The following XYLT1 variants were observed in gnomAD, a reference collection of about 807,000 sequenced individuals.
XYLT1 encodes the protein beta-D-xylosyltransferase 1.
XYLT1 carries 36 observed loss-of-function variants against 91.3 expected under a neutral mutation model. The ratio of observed to expected loss-of-function variants is 0.39; its 90% CI spans 0.30 to 0.52. The LOEUF is 0.52. Among genes scored for constraint, XYLT1 ranks in the 20% least tolerant of loss-of-function variants. The pLI is 0.68. For missense variants in XYLT1, 1,242 were observed against 1,284.5 expected (o/e 0.97, Z 0.51); for synonymous variants, 588 against 532.0 (o/e 1.11, Z -1.45).
rs2035970833 is a variant in XYLT1 at position 17,401,702 on chromosome 16, A to G, written c.364-43652T>C. Among the ~76,000 whole-genome samples the G allele has an allele frequency of 2.6e-5, 4 of 151,300 alleles. No homozygotes were observed. The South Asian group carries it at 8.4e-4, about 32-fold the overall frequency. On this transcript the variant is annotated intron_variant, in intron 1 of 11. Transcript: ENST00000261381. ...GTTGTTCAATGAAGGGTTAGTGGCT[A>G]TGGTTATTATTATTATTATTATTAT...
intron 2 of XYLT1, among the ~76,000 whole-genome samples, chr16:17,280,747 A>G (rs2034044517): frequency 6.6e-6 from 1 of 152,154 alleles, no homozygotes; most frequent in Non-Finnish European, 1.5e-5. Context: ...TGTATCTGTA[A>G]GTTTGACAAA....
chr16:17,465,702 C>G (rs960182688), intron 1 of XYLT1, among the ~76,000 whole-genome samples: 2 of 152,200 alleles, frequency 1.3e-5, no homozygotes, highest in African/African-American at 4.8e-5. Flanking sequence ...TATATTCATT[C>G]TACTGCCTTG....
chr16:17,199,180 C>A (rs1430620563), intron 4 of XYLT1, among the ~76,000 whole-genome samples: 1 of 152,208 alleles, frequency 6.6e-6, no homozygotes, highest in Non-Finnish European at 1.5e-5. Context: ...ATTGCTCCTC[C>A]ATTATCCTCT....
At chr16:17,347,635 C>T (rs899027512) in intron 2 of XYLT1, among the ~76,000 whole-genome samples, 1 of 152,338 alleles carries the variant, frequency 6.6e-6, no homozygotes, top group East Asian at 1.9e-4. Flanking sequence ...CATTCTGGGA[C>T]CTCTCCTCCA....
At chr16:17,209,296 C>T (rs915410346) in intron 3 of XYLT1, among the ~76,000 whole-genome samples, 3 of 152,208 alleles carry the variant, frequency 2.0e-5, no homozygotes, top group Non-Finnish European at 2.9e-5. Context: ...TGGCGCAGTG[C>T]CCTCCTGGTT....
chr16:17,233,148 C>T (rs2033193950), intron 3 of XYLT1, among the ~76,000 whole-genome samples: 1 of 152,170 alleles, frequency 6.6e-6, no homozygotes, highest in Non-Finnish European at 1.5e-5. Flanking sequence ...CAACAAGCCT[C>T]TCCCCAACTC....
intron 1 of XYLT1, among the ~76,000 whole-genome samples, chr16:17,416,321 T>C (rs1485274003): frequency 6.6e-6 from 1 of 152,240 alleles, no homozygotes; most frequent in East Asian, 1.9e-4. Flanking sequence ...GAACAGAAAC[T>C]GGCCTTGCCA....
chr16:17,195,881 A>T (rs950021502), intron 5 of XYLT1, among the ~76,000 whole-genome samples: 2 of 152,230 alleles, frequency 1.3e-5, no homozygotes, highest in Admixed American at 1.3e-4. Flanking sequence ...ACTTTTGTTC[A>T]CAAAATGCAC....
chr16:17,129,576 T>C (rs996594177), intron 9 of XYLT1, among the ~76,000 whole-genome samples: 1 of 152,140 alleles, frequency 6.6e-6, no homozygotes, highest in African/African-American at 2.4e-5. Context: ...AAAAGCTTTT[T>C]ATTTCCATAG....
At chr16:17,453,610 A>G (rs1465465) in intron 1 of XYLT1, among the ~76,000 whole-genome samples, 86,051 of 152,084 alleles carry the variant, frequency 0.57, 28,022 homozygotes, top group African/African-American at 0.89. Context: ...TGCTGTGGCC[A>G]TGTACAGCAT....
intron 2 of XYLT1, among the ~76,000 whole-genome samples, chr16:17,321,379 A>T (rs1186525752): frequency 5.1e-4 from 21 of 41,136 alleles, no homozygotes; most frequent in East Asian, 1.7e-3. Flanking sequence ...TTTTTTTTTG[A>T]GGCAGTCTCA....
intron 4 of XYLT1, among the ~76,000 whole-genome samples, chr16:17,199,908 G>C (rs975258582): frequency 6.6e-6 from 1 of 152,102 alleles, no homozygotes; most frequent in Non-Finnish European, 1.5e-5. Flanking sequence ...GAGGGCATTG[G>C]GTAGAGGGGA....
At chr16:17,234,033 A>G (rs2033208363) in intron 3 of XYLT1, among the ~76,000 whole-genome samples, 1 of 152,188 alleles carries the variant, frequency 6.6e-6, no homozygotes, top group African/African-American at 2.4e-5. Context: ...TGCTAATGAC[A>G]TGGCTCCTCC....
chr16:17,438,907 G>T (rs956377263), intron 1 of XYLT1, among the ~76,000 whole-genome samples: 15 of 151,910 alleles, frequency 9.9e-5, no homozygotes, highest in Non-Finnish European at 2.9e-5. Flanking sequence ...ATTTGGGTGG[G>T]GACACAGAGC....
chr16:17,427,116 T>C (rs936455025), intron 1 of XYLT1, among the ~76,000 whole-genome samples: 12 of 152,196 alleles, frequency 7.9e-5, no homozygotes, highest in African/African-American at 2.9e-4. Flanking sequence ...CTAACACTCA[T>C]GAATAATTCT....
At chr16:17,389,798 T>G (rs950005112) in intron 1 of XYLT1, among the ~76,000 whole-genome samples, 2 of 152,230 alleles carry the variant, frequency 1.3e-5, no homozygotes, top group African/African-American at 2.4e-5. Flanking sequence ...AACAAAATTC[T>G]CCACTAACTT....
chr16:17,375,754 C>G (rs2035592362), intron 1 of XYLT1, among the ~76,000 whole-genome samples: 1 of 152,252 alleles, frequency 6.6e-6, no homozygotes, highest in Non-Finnish European at 1.5e-5. Context: ...GTGGATGGGT[C>G]TGCTGTTGGG....
chr16:17,130,496 A>C (rs2030427286), intron 9 of XYLT1, among the ~76,000 whole-genome samples: 1 of 152,054 alleles, frequency 6.6e-6, no homozygotes, highest in South Asian at 2.1e-4. Context: ...ATATTTTTTG[A>C]GATGGAGTCT....
At chr16:17,109,117 C>T (rs894193236) in intron 11 of XYLT1, 100 bp from the exon 12 acceptor site, 11 of 1,176,284 alleles carry the variant, frequency 9.4e-6, no homozygotes, top group South Asian at 4.4e-5. Context: ...TGCCATGCAT[C>T]GCCTCATTTA....
Sources: gnomAD v4.1 joint callset for allele counts (sites outside exome capture counted in the v4.1 genomes callset) on GRCh38, gnomAD v4.1.1 for gene constraint, MANE v1.5 for transcripts, NCBI Gene and HGNC (gene_info 2026-07-23, HGNC 2026-07-21) for gene names.